DOCK3: variants seen among roughly 807,000 people sequenced by gnomAD.
DOCK3 encodes dedicator of cytokinesis protein 3.
DOCK3 carries 60 observed loss-of-function variants against 265.6 expected under a neutral mutation model. The observed-to-expected ratio is 0.23, with a 90% CI of 0.18 to 0.28. The LOEUF is 0.28. Among genes scored for constraint, DOCK3 ranks in the 10% least tolerant of loss-of-function variants. The pLI is 1.00. For synonymous variants in DOCK3, 881 were observed against 938.0 expected (o/e 0.94, Z 1.11); for missense variants, 1,981 against 2,594.3 (o/e 0.76, Z 5.14).
intron 2 of DOCK3, among the ~76,000 whole-genome samples, chr3:50,796,794 T>A (rs1367702709): frequency 6.6e-6 from 1 of 152,102 alleles, no homozygotes; most frequent in Non-Finnish European, 1.5e-5. Flanking sequence ...GTTGATGACC[T>A]TGAGGGTTTT....
At chr3:51,363,230 T>C (rs1576943236) in intron 49 of DOCK3, among the ~76,000 whole-genome samples, 1 of 152,236 alleles carries the variant, frequency 6.6e-6, no homozygotes, top group Admixed American at 6.5e-5. Flanking sequence ...AGAGGCAGCA[T>C]CTTCGCATCT....
At chr3:50,787,147 G>A (rs1360535920) in intron 2 of DOCK3, 9 of 679,032 alleles carry the variant, frequency 1.3e-5, no homozygotes, top group East Asian at 8.6e-5. Flanking sequence ...TCTGTTTGCC[G>A]GTGAAGATAT....
chr3:50,809,487 G>C (rs2043615511), intron 2 of DOCK3, among the ~76,000 whole-genome samples: 1 of 152,188 alleles, frequency 6.6e-6, no homozygotes, highest in Admixed American at 6.5e-5. Context: ...AATGTTATTA[G>C]CACTTTGGAA....
Position 51,207,302 on chromosome 3 carries a change from C to T in DOCK3, c.1038-1472C>T, listed in dbSNP as rs191286582. 5.9e-5 allele frequency among the ~76,000 whole-genome samples: 9 copies of T among 152,210 alleles called. No individual in the cohort carries two copies. In the East Asian group the frequency reaches 1.7e-3, roughly 29 times the overall value. On this transcript the variant is annotated intron_variant, in intron 12 of 52. Transcript: ENST00000266037. ...CACTGTTGATAGGACTAACAAAGCT[C>T]CAGTTCCACCATACCACCAAGGTAC...
intron 5 of DOCK3, among the ~76,000 whole-genome samples, chr3:51,002,574 A>G (rs192872886): frequency 6.6e-6 from 1 of 152,328 alleles, no homozygotes; most frequent in East Asian, 1.9e-4. Flanking sequence ...TATAACTGTG[A>G]TCCAGTTTAA....
intron 7 of DOCK3, among the ~76,000 whole-genome samples, chr3:51,087,135 G>A (rs997496242): frequency 7.9e-5 from 12 of 152,090 alleles, no homozygotes; most frequent in African/African-American, 2.4e-4. Context: ...TGAGACCAGC[G>A]TTACACATTA....
intron 25 of DOCK3, among the ~76,000 whole-genome samples, chr3:51,276,704 A>T (rs556790568): frequency 6.6e-6 from 1 of 152,166 alleles, no homozygotes; most frequent in Non-Finnish European, 1.5e-5. Flanking sequence ...GTTCACCTCT[A>T]TATATTCAGG....
chr3:50,802,685 C>T (rs1487498675), intron 2 of DOCK3, among the ~76,000 whole-genome samples: 1 of 152,024 alleles, frequency 6.6e-6, no homozygotes, highest in African/African-American at 2.4e-5. Context: ...TGACACTTCT[C>T]TCTTGCTGCT....
chr3:50,930,058 C>T (rs2050972294), intron 4 of DOCK3, among the ~76,000 whole-genome samples: 1 of 152,150 alleles, frequency 6.6e-6, no homozygotes, highest in African/African-American at 2.4e-5. Context: ...AGTAGCTTAG[C>T]TAGGAAGTGA....
At chr3:50,719,387 T>G in intron 1 of DOCK3, 1 of 500,362 alleles carries the variant, frequency 2.0e-6, no homozygotes, top group Non-Finnish European at 3.6e-6. Context: ...AGCACAGTGA[T>G]TATAGGATGC....
intron 5 of DOCK3, among the ~76,000 whole-genome samples, chr3:51,015,194 T>A (rs1484826326): frequency 6.6e-6 from 1 of 152,120 alleles, no homozygotes; most frequent in African/African-American, 2.4e-5. Flanking sequence ...AAAATGAGCA[T>A]CCTTGTCATG....
At chr3:50,783,898 C>T (rs35098074) in intron 2 of DOCK3, among the ~76,000 whole-genome samples, 13,881 of 147,646 alleles carry the variant, frequency 0.094, 797 homozygotes, top group Non-Finnish European at 0.12. Context: ...GATGGAGTCT[C>T]GCTCTGTTTT....
intron 40 of DOCK3, among the ~76,000 whole-genome samples, chr3:51,352,431 G>A (rs1252819231): frequency 6.6e-6 from 1 of 152,138 alleles, no homozygotes; most frequent in Non-Finnish European, 1.5e-5. Flanking sequence ...AGTGTCTCAG[G>A]GTTGTTGGAG....
intron 6 of DOCK3, among the ~76,000 whole-genome samples, chr3:51,067,251 A>G (rs1489889157): frequency 6.6e-6 from 1 of 152,194 alleles, no homozygotes; most frequent in Non-Finnish European, 1.5e-5. Context: ...ATACCTCTTT[A>G]TTATGAAACT....
At chr3:51,032,851 G>A (rs1227953312) in intron 5 of DOCK3, among the ~76,000 whole-genome samples, 2 of 152,126 alleles carry the variant, frequency 1.3e-5, no homozygotes, top group Admixed American at 1.3e-4. Context: ...CTTTGAGGCA[G>A]CAATGAGCTG....
intron 13 of DOCK3, among the ~76,000 whole-genome samples, chr3:51,210,047 A>G (rs180860521): frequency 6.6e-6 from 1 of 152,228 alleles, no homozygotes; most frequent in Non-Finnish European, 1.5e-5. Context: ...TCACATCAAT[A>G]TTTGTCATGT....
chr3:50,789,669 G>A (rs1416617479), intron 2 of DOCK3, among the ~76,000 whole-genome samples: 2 of 152,094 alleles, frequency 1.3e-5, no homozygotes, highest in East Asian at 1.9e-4. Flanking sequence ...AGTGTTAGGT[G>A]CATATATATC....
At chr3:50,877,499 G>T (rs368387075) in intron 3 of DOCK3, 1 of 520,032 alleles carries the variant, frequency 1.9e-6, no homozygotes, top group South Asian at 1.4e-5. Context: ...TGTCAGTCTC[G>T]AATGGCAGTG....
rs143480460 is a variant in DOCK3 at position 50,989,943 on chromosome 3, A to G, written c.315+55866A>G. On this transcript the variant is annotated intron_variant, in intron 5 of 52. Coordinates refer to ENST00000266037, the MANE Select transcript of DOCK3 (RefSeq NM_004947.5). ...CAGGAGCTGAAGGACAAAATAGCTGATATAAAAAAGAACCTAATGGGTCTG... is the reference window on the plus strand; with the variant it reads ...CAGGAGCTGAAGGACAAAATAGCTGGTATAAAAAAGAACCTAATGGGTCTG... 2.0e-5 allele frequency among the ~76,000 whole-genome samples: 3 copies of G among 152,364 alleles called. No homozygotes were observed. The East Asian group carries it at 5.8e-4, about 29-fold the overall frequency.
Sources: allele counts gnomAD v4.1 joint callset (sites outside exome capture counted in the v4.1 genomes callset), GRCh38; gene constraint gnomAD v4.1.1; transcripts MANE v1.5; gene names NCBI Gene and HGNC (gene_info 2026-07-23, HGNC 2026-07-21).